The following TPTE2 variants were observed in gnomAD, a reference collection of about 807,000 sequenced individuals.
The protein encoded by TPTE2 is transmembrane phosphoinositide 3-phosphatase and tensin homolog 2, also known as phosphatidylinositol 3,4,5-trisphosphate 3-phosphatase TPTE2.
TPTE2 carries 53 observed loss-of-function variants against 78.6 expected under a neutral mutation model. The observed-to-expected ratio is 0.67, with a 90% confidence interval of 0.54 to 0.85. TPTE2 has a LOEUF of 0.85. Ranked by LOEUF, TPTE2 falls within the 40% of genes least tolerant of loss-of-function variation. The pLI, the probability that TPTE2 is intolerant of heterozygous loss-of-function variation, is 0.00. For missense variants in TPTE2, 461 were observed against 623.0 expected, an observed-to-expected ratio of 0.74 and a Z score of 2.77; for synonymous variants, 175 against 206.2, an observed-to-expected ratio of 0.85 and a Z score of 1.30.
chr13:19,518,484 G>A (rs1367988472), intron 1 of TPTE2, among the ~76,000 whole-genome samples: 1 of 152,156 alleles, frequency 6.6e-6, no homozygotes, highest in Non-Finnish European at 1.5e-5. Flanking sequence ...ATTTGCAACT[G>A]GCAAATAAGC....
chr13:19,560,837 C>G, the TPTE2 span: 2 of 1,551,628 alleles, frequency 1.3e-6, no homozygotes, highest in Non-Finnish European at 1.7e-6. Context: ...GGCGCGCTCC[C>G]GCAGGCTCTT....
At chr13:19,479,168 AT>A (rs1479582171) in intron 4 of TPTE2, among the ~76,000 whole-genome samples, 2 of 152,232 alleles carry the variant, frequency 1.3e-5, no homozygotes, top group Non-Finnish European at 2.9e-5. Context: ...TAATAAAAAA[AT>A]GTAGCAGGTG....
the TPTE2 span, among the ~76,000 whole-genome samples, chr13:19,554,410 T>TAAATATAA: frequency 9.7e-6 from 1 of 103,120 alleles, no homozygotes; most frequent in Non-Finnish European, 2.4e-5. Flanking sequence ...ATATAAAAAA[T>TAAATATAA]AAAATAAAAT....
chr13:19,509,716 T>C (rs1869304592), intron 1 of TPTE2, among the ~76,000 whole-genome samples: 1 of 152,140 alleles, frequency 6.6e-6, no homozygotes, highest in African/African-American at 2.4e-5. Context: ...TGTCAACATA[T>C]AAAGGCTCCA....
In TPTE2 at chr13:19,432,481, G is replaced by A. The variant is rs775526037; in HGVS notation, c.1214C>T (p.Ser405Leu). Residue 405 changes from serine (S) to leucine (L), a missense_variant, in exon 16 of 20, where the codon TCG becomes TTG. Coordinates refer to ENST00000400230, the Ensembl canonical transcript of TPTE2. ...ACACATAAAGCACTTACCACGAATC[G>A]AATAAATAATGAATCTTTTTATAAA... The A allele has an allele frequency of 2.9e-5, 46 of 1,591,608 alleles. No individual in the cohort carries two copies. The highest frequency in any genetic ancestry group is 7.9e-5 in the South Asian group (7 of 89,158).
rs559680299 is a variant in TPTE2 at position 19,425,810 on chromosome 13, G to C, written c.1395+615C>G. Reference sequence around the variant, plus strand: ...CCTGGATGGCTCCCCCTTCCAGTTGGCCCTGTGTGCTGCCCTCTTCTCTCT... The same window carrying C: ...CCTGGATGGCTCCCCCTTCCAGTTGCCCCTGTGTGCTGCCCTCTTCTCTCT... On this transcript the variant is annotated intron_variant, in intron 18 of 19. Transcript: ENST00000400230. The C allele has an allele frequency of 7.6e-3, 3,303 of 432,294 alleles. 89 individuals carry two copies. The highest frequency in any genetic ancestry group is 0.046 in the South Asian group (2,965 of 64,878). 26.8% of individuals were successfully genotyped at this position (432,294 alleles called of 1,614,324 possible). A position where few individuals can be genotyped will look rare whatever the true frequency, so the allele number is the denominator to read the frequency against.
At chr13:19,493,349 A>ATGGC in intron 2 of TPTE2, 99 bp downstream of exon 5, 1 of 1,085,904 alleles carries the variant, frequency 9.2e-7, no homozygotes, top group South Asian at 1.3e-5. Flanking sequence ...GGATGGATGG[A>ATGGC]TGGATGGATG....
rs893587247 is a variant in TPTE2 at position 19,535,563 on chromosome 13, T to G, written c.-44+1033A>C. Among the ~76,000 whole-genome samples, 15 of 152,006 alleles carry G rather than the reference T, an allele frequency of 9.9e-5. No individual in the cohort carries two copies. Among genetic ancestry groups the G allele is most frequent in the African/African-American group, 2.9e-4 (12 of 41,444 alleles). On this transcript the variant is annotated intron_variant, in intron 1 of 17. Coordinates refer to the TPTE2 transcript ENST00000390680. This position sits in a 1 kb window ranked among gnomAD's most constrained non-coding sequence, Gnocchi z 5.1. ...ATAAAATCAAGGATTAAATTTAGAT[T>G]GATTAATAAGTGACTGAGGTTCTAA...
chr13:19,537,411 T>C (rs1593427972), upstream of TPTE2, among the ~76,000 whole-genome samples: 1 of 151,338 alleles, frequency 6.6e-6, no homozygotes, highest in Admixed American at 6.6e-5. Flanking sequence ...ATTTTTATTT[T>C]TAGTAGAGAC....
chr13:19,425,243 G>A lies in TPTE2; in HGVS notation c.1396-226C>T, dbSNP rs145700909. ...TTTCTATCAAAATTTTCAAGGAATA[G>A]TGTTTTTCCCATGATAGGTCTTTAA... On this transcript the variant is annotated intron_variant, in intron 18 of 19. Coordinates refer to ENST00000400230, the Ensembl canonical transcript of TPTE2. Among the ~76,000 whole-genome samples the A allele has an allele frequency of 2.3e-3, 358 of 152,342 alleles. 2 individuals are homozygous for A. Among genetic ancestry groups the A allele is most frequent in the African/African-American group, 8.2e-3 (340 of 41,588 alleles).
intron 4 of TPTE2, among the ~76,000 whole-genome samples, chr13:19,482,118 G>A (rs4769642): frequency 8.6e-5 from 13 of 151,910 alleles, no homozygotes; most frequent in Non-Finnish European, 1.3e-4. Context: ...TGCTCATAGG[G>A]AAAATCTACA....
chr13:19,430,583 G>A, intron 16 of TPTE2, 36 bp from the exon 20 acceptor site: 1 of 1,519,358 alleles, frequency 6.6e-7, no homozygotes, highest in East Asian at 2.3e-5. Flanking sequence ...AGTTAGGTTG[G>A]TTAGCATGAA....
At chr13:19,425,052 A>G (rs1291493967) in intron 18 of TPTE2, 35 bp from the exon 22 acceptor site, 3 of 1,054,792 alleles carry the variant, frequency 2.8e-6, no homozygotes. Flanking sequence ...TAAAACTGAC[A>G]CCAGGAACTA....
chr13:19,461,028 T>C (rs1400085935), intron 10 of TPTE2, among the ~76,000 whole-genome samples: 2 of 152,148 alleles, frequency 1.3e-5, no homozygotes, highest in Admixed American at 6.5e-5. Flanking sequence ...TGGAGTTTAT[T>C]TTCTACTCCT....
chr13:19,451,160 C>G lies in TPTE2; in HGVS notation c.802+5G>C, dbSNP rs369736041. 3.7e-6 allele frequency: 6 copies of G among 1,613,070 alleles called. No homozygotes were observed. In the African/African-American group the frequency reaches 8.0e-5, roughly 22 times the overall value. On this transcript the variant is annotated splice_donor_5th_base_variant and intron_variant, in intron 11 of 19. Transcript: ENST00000400230. ...CAGTAGCAAAATATAGAGTAATGTA[C>G]ATACTGCATAGATTGTAGACTCGAT...
intron 15 of TPTE2, among the ~76,000 whole-genome samples, chr13:19,434,398 A>C (rs1297521844): frequency 6.6e-6 from 1 of 152,234 alleles, no homozygotes; most frequent in African/African-American, 2.4e-5. Context: ...GGATGTGTGC[A>C]TGCACATAGT....
Position 19,448,552 on chromosome 13 carries a change from G to A in TPTE2, c.973+1524C>T, listed in dbSNP as rs141169505. On this transcript the variant is annotated intron_variant, in intron 13 of 19. Coordinates refer to ENST00000400230, the Ensembl canonical transcript of TPTE2. Reference sequence around the variant, plus strand: ...ATTTCCCAACGGAAATGGCCAAGAGGTATAATGAGAAACTGCTAAACATCA... The same window carrying A: ...ATTTCCCAACGGAAATGGCCAAGAGATATAATGAGAAACTGCTAAACATCA... Among the ~76,000 whole-genome samples, 635 of 152,238 alleles carry A rather than the reference G, an allele frequency of 4.2e-3. 5 individuals carry two copies. The highest frequency in any genetic ancestry group is 0.026 in the South Asian group (125 of 4,830).
the TPTE2 span, chr13:19,560,742 G>A: frequency 2.3e-5 from 34 of 1,467,612 alleles, no homozygotes; most frequent in Non-Finnish European, 3.1e-5. Context: ...CGACTGCCAG[G>A]GGCCCAGCAG....
rs781045699 is a variant in TPTE2 at position 19,473,109 on chromosome 13, C to T, written c.392+805G>A. On this transcript the variant is annotated intron_variant, in intron 6 of 19. Coordinates refer to ENST00000400230, the Ensembl canonical transcript of TPTE2. ...ACCTAAAGCTTGGGGTTGAGTGACA[C>T]AAGCACCCCTGTGGCCACCAATACT... Among the ~76,000 whole-genome samples the T allele has an allele frequency of 9.2e-5, 14 of 152,344 alleles. No individual in the cohort carries two copies. In the South Asian group the frequency reaches 1.4e-3, roughly 16 times the overall value.
Sources: allele counts gnomAD v4.1 joint callset (sites outside exome capture counted in the v4.1 genomes callset), GRCh38; gene constraint gnomAD v4.1.1; non-coding constraint Gnocchi (gnomAD v3.1); transcripts MANE v1.5; gene names NCBI Gene and HGNC (gene_info 2026-07-23, HGNC 2026-07-21).